Variants in WLS observed in about 807,000 individuals in gnomAD.
WLS encodes Wnt ligand secretion mediator.
WLS carries 23 observed loss-of-function variants against 62.8 expected under a neutral mutation model. The observed-to-expected ratio is 0.37, with a 90% confidence interval of 0.26 to 0.52. WLS has a LOEUF of 0.52. Ranked by LOEUF, WLS falls within the 20% of genes least tolerant of loss-of-function variation. The pLI, the probability that WLS is intolerant of heterozygous loss-of-function variation, is 0.92. For synonymous variants in WLS, 246 were observed against 244.1 expected (o/e 1.01, Z -0.07); for missense variants, 615 against 697.3 (o/e 0.88, Z 1.33).
intron 8 of WLS, 52 bp downstream of exon 8, chr1:68,148,084 A>G: frequency 6.3e-7 from 1 of 1,590,896 alleles, no homozygotes; most frequent in East Asian, 2.2e-5. Flanking sequence ...GATCTTGGGG[A>G]CTGGGTGGCC....
At chr1:68,180,147 C>G (rs1371455739) in intron 2 of WLS, among the ~76,000 whole-genome samples, 3 of 151,736 alleles carry the variant, frequency 2.0e-5, no homozygotes, top group African/African-American at 7.3e-5. Context: ...ATCACTGTGG[C>G]CATCCTTATG....
At chr1:68,208,027 G>A (rs1368934943) in intron 1 of WLS, among the ~76,000 whole-genome samples, 2 of 152,200 alleles carry the variant, frequency 1.3e-5, no homozygotes, top group East Asian at 3.9e-4. Flanking sequence ...GTTAAAAACA[G>A]GGGCTCCCCT....
chr1:68,108,304 G>A (rs778858840), intron 11 of WLS, among the ~76,000 whole-genome samples: 6 of 152,172 alleles, frequency 3.9e-5, no homozygotes, highest in Non-Finnish European at 8.8e-5. Context: ...TGGTATCTGT[G>A]TAGCTTTGGG....
intron 3 of WLS, among the ~76,000 whole-genome samples, chr1:68,157,555 C>A (rs1225786272): frequency 1.4e-5 from 2 of 147,246 alleles, no homozygotes. Context: ...CTCATTAGGA[C>A]AAATTACAGC....
chr1:68,229,014 T>A (rs1344375754), intron 1 of WLS, among the ~76,000 whole-genome samples: 2 of 150,790 alleles, frequency 1.3e-5, no homozygotes, highest in Non-Finnish European at 2.9e-5. Context: ...ATTTTCTCCA[T>A]CAAATCTAGA....
chr1:68,215,364 C>T (rs1302810557), intron 1 of WLS, among the ~76,000 whole-genome samples: 1 of 152,150 alleles, frequency 6.6e-6, no homozygotes, highest in Non-Finnish European at 1.5e-5. Context: ...AAGAGGTTTA[C>T]CATTACTATC....
chr1:68,140,988 C>A (rs1270982681), intron 10 of WLS, among the ~76,000 whole-genome samples: 1 of 150,868 alleles, frequency 6.6e-6, no homozygotes, highest in East Asian at 2.0e-4. Context: ...CCAAACCCTC[C>A]CCCCTCCTCA....
At chr1:68,119,818 G>T (rs1200786832) in intron 11 of WLS, among the ~76,000 whole-genome samples, 1 of 152,202 alleles carries the variant, frequency 6.6e-6, no homozygotes, top group East Asian at 1.9e-4. Context: ...TCCGTGTAAA[G>T]AACATCAGCC....
chr1:68,217,265 G>A (rs2100655486), intron 1 of WLS, among the ~76,000 whole-genome samples: 1 of 152,226 alleles, frequency 6.6e-6, no homozygotes, highest in African/African-American at 2.4e-5. Context: ...AAAGCTTGAA[G>A]CCTGGTGACC....
intron 6 of WLS, among the ~76,000 whole-genome samples, 188 bp downstream of exon 6, chr1:68,150,000 C>T (rs1376128075): frequency 2.6e-5 from 4 of 152,200 alleles, no homozygotes; most frequent in African/African-American, 9.7e-5. Flanking sequence ...CCTAAAGCCA[C>T]TCAGCTGGTC....
intron 8 of WLS, among the ~76,000 whole-genome samples, chr1:68,147,014 T>C (rs1174656738): frequency 6.6e-6 from 1 of 152,026 alleles, no homozygotes; most frequent in Non-Finnish European, 1.5e-5. Context: ...GCCTCCCGAG[T>C]AGCTGGGATT....
At chr1:68,185,033 G>A (rs80062389) in intron 2 of WLS, among the ~76,000 whole-genome samples, 11,915 of 152,172 alleles carry the variant, frequency 0.078, 505 homozygotes, top group Admixed American at 0.1. Context: ...TGGAAGGAGC[G>A]GGGCACAGAG....
intron 1 of WLS, 57 bp downstream of exon 1, chr1:68,232,137 A>T: frequency 6.2e-7 from 1 of 1,609,684 alleles, no homozygotes. Context: ...AGAGGCAAAG[A>T]GGGAAGGGGC....
intron 8 of WLS, among the ~76,000 whole-genome samples, chr1:68,147,121 A>G (rs1646762540): frequency 2.0e-5 from 3 of 152,172 alleles, no homozygotes; most frequent in Admixed American, 2.0e-4. Flanking sequence ...ATAATATAAT[A>G]TCTAATGCAG....
rs1276348319 is a variant in WLS at position 68,231,623 on chromosome 1, G to T, written c.106+571C>A. Reference sequence around the variant, plus strand: ...CAGAGCGTGGGGTGGAGTGCGGCGGGAAAGCAGAGGGCGCGAAGGTCGGGA... The same window carrying T: ...CAGAGCGTGGGGTGGAGTGCGGCGGTAAAGCAGAGGGCGCGAAGGTCGGGA... On this transcript the variant is annotated intron_variant, in intron 1 of 11. Transcript: ENST00000262348. The T allele has an allele frequency of 1.5e-5, 6 of 411,012 alleles. No homozygotes were observed. The East Asian group carries it at 4.4e-4, about 30-fold the overall frequency. 25.5% of individuals were successfully genotyped at this position (411,012 alleles called of 1,614,324 possible).
chr1:68,113,790 G>GA (rs1478569731), intron 11 of WLS, among the ~76,000 whole-genome samples: 1 of 152,150 alleles, frequency 6.6e-6, no homozygotes, highest in East Asian at 1.9e-4. Flanking sequence ...TGTCCGCAGG[G>GA]AAAGGCTTGA....
intron 1 of WLS, among the ~76,000 whole-genome samples, chr1:68,204,709 G>A (rs1649205170): frequency 6.6e-6 from 1 of 152,142 alleles, no homozygotes; most frequent in Non-Finnish European, 1.5e-5. Context: ...CTCAAGGGCC[G>A]TCTCTCCTTC....
chr1:68,104,359 T>C (rs1646117601), intron 11 of WLS, among the ~76,000 whole-genome samples: 1 of 152,196 alleles, frequency 6.6e-6, no homozygotes, highest in Non-Finnish European at 1.5e-5. Flanking sequence ...GAGGTCATTG[T>C]GCTCTCTTTT....
chr1:68,153,879 A>T (rs2255911), intron 4 of WLS, among the ~76,000 whole-genome samples: 32,830 of 152,062 alleles, frequency 0.22, 4,048 homozygotes, highest in East Asian at 0.35. Context: ...CTGAGACCAG[A>T]GAAATAAAGA....
Sources: gnomAD v4.1 joint callset for allele counts (sites outside exome capture counted in the v4.1 genomes callset) on GRCh38, gnomAD v4.1.1 for gene constraint, MANE v1.5 for transcripts, NCBI Gene and HGNC (gene_info 2026-07-23, HGNC 2026-07-21) for gene names.